The following MB variants were observed in gnomAD, a reference collection of about 807,000 sequenced individuals.
MB encodes the protein myoglobin.
A neutral mutation model predicts 14.5 loss-of-function variants in MB; 10 were observed. The ratio of observed to expected loss-of-function variants is 0.69; its 90% CI spans 0.43 to 1.17. The LOEUF (loss-of-function observed/expected upper bound fraction) is 1.17. Ranked by LOEUF, MB falls within the 50% of genes most tolerant of loss-of-function variation. MB has a pLI of 0.00. For synonymous variants in MB, 89 were observed against 78.6 expected (o/e 1.13, Z -0.70); for missense variants, 169 against 192.7 (o/e 0.88, Z 0.73).
upstream of MB, among the ~76,000 whole-genome samples, chr22:35,619,546 G>T (rs59105199): frequency 6.6e-6 from 1 of 152,102 alleles, no homozygotes; most frequent in East Asian, 1.9e-4. Flanking sequence ...CAGTTCTCCC[G>T]CAAACCTGCT....
intron 2 of MB, among the ~76,000 whole-genome samples, chr22:35,609,118 G>A (rs1454125369): frequency 1.3e-5 from 2 of 152,210 alleles, no homozygotes; most frequent in African/African-American, 4.8e-5. Flanking sequence ...TTCCTCTCTA[G>A]AGAGAGAACT....
At chr22:35,611,302 A>G (rs768601343) in intron 1 of MB, among the ~76,000 whole-genome samples, 196 bp from the exon 2 acceptor site, 8 of 152,114 alleles carry the variant, frequency 5.3e-5, no homozygotes, top group Non-Finnish European at 1.0e-4. Flanking sequence ...ATTAAGTGAG[A>G]TAGTGTGTGC....
At chr22:35,611,150 G>T in intron 1 of MB, 44 bp from the exon 2 acceptor site, 2 of 1,445,752 alleles carry the variant, frequency 1.4e-6, no homozygotes, top group Non-Finnish European at 1.9e-6. Flanking sequence ...GAGGTGCGGT[G>T]TGAGGTCTGG....
At chr22:35,614,554 C>T (rs1922913017) in intron 1 of MB, among the ~76,000 whole-genome samples, 2 of 150,898 alleles carry the variant, frequency 1.3e-5, no homozygotes, top group African/African-American at 4.9e-5. Context: ...CAGCTCCTTT[C>T]TTACTTGCTG....
chr22:35,620,790 C>T (rs2145927998), upstream of MB, among the ~76,000 whole-genome samples: 1 of 152,240 alleles, frequency 6.6e-6, no homozygotes, highest in East Asian at 1.9e-4. Flanking sequence ...TACCCGAATC[C>T]CAGCTCTTCT....
At position 35,617,081 on chromosome 22, in the gene MB, C is replaced by T. The variant is rs904040452; in HGVS notation, c.95+82G>A. 96 of 1,040,952 alleles carry T rather than the reference C, an allele frequency of 9.2e-5. 1 individual carries two copies. Among genetic ancestry groups the T allele is most frequent in the East Asian group, 6.9e-4 (29 of 42,294 alleles). The allele number at this position is 1,040,952 out of a possible 1,614,324, so 64.5% of individuals were successfully genotyped here. Reference sequence around the variant, plus strand: ...TAATGCAGCCAACTGACCTACCCCACGTGCAAACTTTCCACCTTGCAGCTG... The same window carrying T: ...TAATGCAGCCAACTGACCTACCCCATGTGCAAACTTTCCACCTTGCAGCTG... On this transcript the variant is annotated intron_variant, in intron 1 of 2. Transcript: ENST00000397326.
At chr22:35,607,903 T>C (rs571225505) in intron 2 of MB, among the ~76,000 whole-genome samples, 2 of 152,338 alleles carry the variant, frequency 1.3e-5, no homozygotes, top group African/African-American at 4.8e-5. Context: ...ACTATTTCTA[T>C]TTGTGTGTAT....
chr22:35,613,185 G>A (rs1229173728), intron 1 of MB, among the ~76,000 whole-genome samples: 4 of 152,254 alleles, frequency 2.6e-5, no homozygotes, highest in African/African-American at 9.6e-5. Context: ...GCGATGGTCA[G>A]AGGTCAGGAC....
chr22:35,614,362 C>T (rs899070526), intron 1 of MB, among the ~76,000 whole-genome samples: 4 of 152,008 alleles, frequency 2.6e-5, no homozygotes, highest in African/African-American at 7.3e-5. Flanking sequence ...CCAAGGCGGG[C>T]AGATCACCTG....
upstream of MB, among the ~76,000 whole-genome samples, chr22:35,620,710 T>G (rs976927642): frequency 9.9e-5 from 15 of 152,202 alleles, no homozygotes; most frequent in African/African-American, 3.6e-4. Flanking sequence ...TTTCAAATGC[T>G]CTCTGGCCTG....
At chr22:35,617,388 T>C, upstream of MB, 2 of 645,676 alleles carry the variant, frequency 3.1e-6, no homozygotes, top group South Asian at 3.7e-5. Context: ...CAAAGATCGC[T>C]CAATGGCTCG....
upstream of MB, among the ~76,000 whole-genome samples, chr22:35,618,454 T>G (rs1422357754): frequency 6.6e-6 from 1 of 152,194 alleles, no homozygotes; most frequent in Non-Finnish European, 1.5e-5. Context: ...CTTCAATCCA[T>G]TCAGGTATTC....
chr22:35,609,635 T>C (rs970600863), intron 2 of MB, among the ~76,000 whole-genome samples: 1 of 152,234 alleles, frequency 6.6e-6, no homozygotes, highest in Non-Finnish European at 1.5e-5. Context: ...CTGTGTGACC[T>C]TGGGCAAGCT....
rs374212851 is a variant in MB, at chr22:35,617,214, C to T, written c.44G>A (p.Trp15Ter). The T allele has an allele frequency of 1.9e-6, 3 of 1,614,194 alleles. No individual in the cohort carries two copies. Among genetic ancestry groups the T allele is most frequent in the Middle Eastern group, 1.6e-4 (1 of 6,062 alleles). ...DGEWQLVLNV[W>*]GKVEADIPGH... ...TGGGATGTCAGCCTCCACCTTCCCC[C>T]AGACGTTCAGCACCAACTGCCATTC... Residue 15 changes from tryptophan to a stop codon, truncating the protein, a stop_gained, in exon 1 of 3, where the codon TGG (tryptophan) becomes TAG (stop). Transcript: ENST00000397326. LOFTEE classifies it high-confidence loss of function.
At chr22:35,618,333 G>T (rs748813521), upstream of MB, among the ~76,000 whole-genome samples, 9 of 152,198 alleles carry the variant, frequency 5.9e-5, no homozygotes, top group Non-Finnish European at 1.2e-4. Flanking sequence ...CTCACATGGT[G>T]CTTTGTGCCA....
At position 35,608,755 on chromosome 22, in the gene MB, GC is replaced by G. The variant is rs1369267937; in HGVS notation, c.319-1313del. 6.6e-6 allele frequency among the ~76,000 whole-genome samples: 1 copy of G among 152,168 alleles called. No individual in the cohort carries two copies. Among genetic ancestry groups the G allele is most frequent in the African/African-American group, 2.4e-5 (1 of 41,438 alleles). ...TCACCCACCCAGATGGCCTGGTTGG[GC>G]CCCCAGCTCAGACTTTCTGGAGTCC... On this transcript the variant is annotated intron_variant, in intron 2 of 2. Transcript: ENST00000397326. The surrounding 1 kb of genome is among the most constrained non-coding windows in gnomAD (Gnocchi z 4.3).
At chr22:35,618,266 T>C (rs1923230508), upstream of MB, among the ~76,000 whole-genome samples, 1 of 152,214 alleles carries the variant, frequency 6.6e-6, no homozygotes, top group African/African-American at 2.4e-5. Context: ...CGCCCCTTTC[T>C]TTGCAGTTTT....
At position 35,607,244 on chromosome 22, in the gene MB, CGCTCTCTCTTGAACCCGGG is replaced by C; in HGVS notation, c.*34_*52del. ...TATATGGCTACACGAGATCAGACCCCGCTCTCTCTTGAACCCGGGGCCCAGATGGGTGGGGGTGGGAGCG... is the reference window on the plus strand; with the variant it reads ...TATATGGCTACACGAGATCAGACCCCGCCCAGATGGGTGGGGGTGGGAGCG... On this transcript the variant is annotated 3_prime_UTR_variant, in exon 3 of 3. Coordinates refer to ENST00000397326, the MANE Select transcript of MB (RefSeq NM_005368.3). The C allele has an allele frequency of 1.3e-6, 2 of 1,572,324 alleles. No individual in the cohort carries two copies.
At chr22:35,617,705 C>A, upstream of MB, 1 of 167,768 alleles carries the variant, frequency 6.0e-6, no homozygotes, top group Non-Finnish European at 1.3e-5. Flanking sequence ...TAAGCTTGGC[C>A]ACCAGGTGCC....
Sources: gnomAD v4.1 joint callset for allele counts (sites outside exome capture counted in the v4.1 genomes callset) on GRCh38, gnomAD v4.1.1 for gene constraint, Gnocchi (gnomAD v3.1) non-coding constraint, MANE v1.5 for transcripts, NCBI Gene and HGNC (gene_info 2026-07-23, HGNC 2026-07-21) for gene names.